PTPRA: variants seen among roughly 807,000 people sequenced by gnomAD.
PTPRA encodes receptor-type tyrosine-protein phosphatase alpha.
A neutral mutation model predicts 104.8 loss-of-function variants in PTPRA; 25 were observed. The observed-to-expected ratio is 0.24, with a 90% CI of 0.17 to 0.33. PTPRA has a LOEUF of 0.33. PTPRA is among the 10% of genes least tolerant of loss of function. The pLI, the probability that PTPRA is intolerant of heterozygous loss-of-function variation, is 1.00. For synonymous variants in PTPRA, 323 were observed against 368.9 expected, an observed-to-expected ratio of 0.88 and a Z score of 1.43; for missense variants, 765 against 1,015.3, an observed-to-expected ratio of 0.75 and a Z score of 3.35.
rs150105077 is a variant in PTPRA, at chr20:2,946,041, T to C, written c.-49-1941T>C. On this transcript the variant is annotated intron_variant, in intron 2 of 23. Coordinates refer to ENST00000399903, the MANE Select transcript of PTPRA (RefSeq NM_001385305.1). ...AGTTCTATGAAAGCAATGAGTAGGC[T>C]GCTATGGTTGTGAATATTTGGACTA... is the stretch of plus-strand genomic sequence containing the variant. Among the ~76,000 whole-genome samples the C allele has an allele frequency of 2.6e-5, 4 of 152,252 alleles. No individual in the cohort carries two copies. In the East Asian group the frequency reaches 7.7e-4, roughly 29 times the overall value.
intron 1 of PTPRA, among the ~76,000 whole-genome samples, chr20:2,894,576 A>G (rs1600073274): frequency 6.6e-6 from 1 of 151,172 alleles, no homozygotes; most frequent in Admixed American, 6.6e-5. Context: ...CCAAGGTGCT[A>G]GAATTATAGG....
intron 2 of PTPRA, among the ~76,000 whole-genome samples, chr20:2,943,141 T>C (rs1433523801): frequency 6.6e-6 from 1 of 151,274 alleles, no homozygotes; most frequent in African/African-American, 2.4e-5. Context: ...AGGAATGAAA[T>C]ACAGTTTACG....
the PTPRA span, chr20:2,865,320 A>G: frequency 4.3e-6 from 7 of 1,614,194 alleles, no homozygotes; most frequent in South Asian, 3.3e-5. The surrounding 1 kb of genome is among the most constrained non-coding windows in gnomAD (Gnocchi z 5.2). Context: ...GACAAGAGGT[A>G]GGTGAGGGCC....
chr20:2,953,548 T>C (rs2061425624), intron 3 of PTPRA, among the ~76,000 whole-genome samples: 1 of 151,998 alleles, frequency 6.6e-6, no homozygotes. Flanking sequence ...CCACTATGCC[T>C]GGCCATTTTT....
At chr20:2,961,116 C>T (rs1408705463) in intron 3 of PTPRA, among the ~76,000 whole-genome samples, 1 of 151,932 alleles carries the variant, frequency 6.6e-6, no homozygotes, top group Non-Finnish European at 1.5e-5. Context: ...TTTTAAGTGG[C>T]ATAAGTTTTC....
chr20:2,907,692 C>T (rs902762783), intron 1 of PTPRA, among the ~76,000 whole-genome samples: 2 of 152,116 alleles, frequency 1.3e-5, no homozygotes, highest in East Asian at 3.9e-4. Flanking sequence ...TTCATAGAAG[C>T]TAATTCTTCA....
At chr20:2,879,998 G>A (rs1958468990) in intron 1 of PTPRA, among the ~76,000 whole-genome samples, 1 of 152,214 alleles carries the variant, frequency 6.6e-6, no homozygotes, top group Non-Finnish European at 1.5e-5. Flanking sequence ...ATTCTAATGT[G>A]TAGCCAGGCT....
chr20:2,956,166 TTCAG>T (rs1235229567), intron 3 of PTPRA, among the ~76,000 whole-genome samples: 26 of 152,342 alleles, frequency 1.7e-4, no homozygotes, highest in African/African-American at 6.0e-4. Flanking sequence ...TTCAGAAAGC[TTCAG>T]TCAGTGACCC....
chr20:3,030,841 A>G (rs2065414867), intron 20 of PTPRA, among the ~76,000 whole-genome samples: 1 of 151,944 alleles, frequency 6.6e-6, no homozygotes, highest in Non-Finnish European at 1.5e-5. Flanking sequence ...ATGCACTACC[A>G]TGCCCAGCTA....
chr20:3,031,088 T>G (rs932897343), intron 20 of PTPRA, among the ~76,000 whole-genome samples: 6 of 152,132 alleles, frequency 3.9e-5, no homozygotes, highest in African/African-American at 1.4e-4. Flanking sequence ...TGCCAGGAAC[T>G]CCCATGCTGG....
At chr20:2,964,476 T>TA in intron 4 of PTPRA, 126 bp downstream of exon 4, 1 of 794,318 alleles carries the variant, frequency 1.3e-6, no homozygotes, top group East Asian at 2.6e-5. Context: ...AAAGTGATGG[T>TA]AAAATAGGTG....
At chr20:2,953,411 G>C (rs182638538) in intron 3 of PTPRA, among the ~76,000 whole-genome samples, 3 of 150,832 alleles carry the variant, frequency 2.0e-5, no homozygotes, top group African/African-American at 7.3e-5. Context: ...GCGTTACCAC[G>C]CCTGGCTAAT....
At chr20:2,947,630 C>T (rs1229991771) in intron 2 of PTPRA, among the ~76,000 whole-genome samples, 1 of 152,162 alleles carries the variant, frequency 6.6e-6, no homozygotes. Context: ...CCTACCCTCC[C>T]CCATGCTTGT....
intron 9 of PTPRA, among the ~76,000 whole-genome samples, chr20:3,002,601 A>G (rs1183475329): frequency 6.6e-6 from 1 of 152,174 alleles, no homozygotes; most frequent in Non-Finnish European, 1.5e-5. Flanking sequence ...TGCTGGGATT[A>G]CAGGCGTGAG....
At chr20:2,969,926 C>T (rs550279134) in intron 5 of PTPRA, among the ~76,000 whole-genome samples, 2 of 151,738 alleles carry the variant, frequency 1.3e-5, no homozygotes, top group East Asian at 1.9e-4. Flanking sequence ...GCCGAGATTG[C>T]GCCACTACAC....
At chr20:3,018,218 T>TG (rs745777213) in intron 13 of PTPRA, among the ~76,000 whole-genome samples, 1 of 150,820 alleles carries the variant, frequency 6.6e-6, no homozygotes, top group African/African-American at 2.4e-5. Context: ...TTGTTGTTGT[T>TG]TTGTTTTGTT....
chr20:2,989,163 G>A (rs2063035361), intron 9 of PTPRA, among the ~76,000 whole-genome samples: 1 of 152,192 alleles, frequency 6.6e-6, no homozygotes, highest in African/African-American at 2.4e-5. Context: ...TGGCCAGCAC[G>A]GTGACTCACG....
intron 1 of PTPRA, among the ~76,000 whole-genome samples, chr20:2,915,629 C>T (rs2059874564): frequency 6.6e-6 from 1 of 152,146 alleles, no homozygotes; most frequent in Admixed American, 6.5e-5. Flanking sequence ...TTTTTAGTGT[C>T]ATATCTAAGA....
At chr20:2,888,110 C>CTAGG (rs2090478889) in intron 1 of PTPRA, among the ~76,000 whole-genome samples, 1 of 152,188 alleles carries the variant, frequency 6.6e-6, no homozygotes, top group African/African-American at 2.4e-5. Context: ...TATACCTGGG[C>CTAGG]TAGGTTCTTG....
Sources: allele counts gnomAD v4.1 joint callset (sites outside exome capture counted in the v4.1 genomes callset), GRCh38; gene constraint gnomAD v4.1.1; non-coding constraint Gnocchi (gnomAD v3.1); transcripts MANE v1.5; gene names NCBI Gene and HGNC (gene_info 2026-07-23, HGNC 2026-07-21).